The following IL23R variants were observed in gnomAD, a reference collection of about 807,000 sequenced individuals.
IL23R encodes interleukin 23 receptor.
IL23R carries 34 observed loss-of-function variants against 56.9 expected under a neutral mutation model. The ratio of observed to expected loss-of-function variants is 0.60; its 90% confidence interval spans 0.45 to 0.80. The LOEUF (loss-of-function observed/expected upper bound fraction) is 0.80, where lower values mean the gene tolerates loss of function less well. Among genes scored for constraint, IL23R ranks in the 30% least tolerant of loss-of-function variants. The pLI is 0.00. For synonymous variants in IL23R, 230 were observed against 249.2 expected (o/e 0.92, Z 0.73); for missense variants, 635 against 730.0 (o/e 0.87, Z 1.50).
At chr1:67,181,702 A>G (rs951136822) in intron 3 of IL23R, among the ~76,000 whole-genome samples, 10 of 152,060 alleles carry the variant, frequency 6.6e-5, no homozygotes, top group African/African-American at 1.7e-4. Flanking sequence ...GGAGGAGGAG[A>G]GGCGCTCTGA....
At chr1:67,154,496 C>T (rs2102536638) in intron 1 of IL23R, among the ~76,000 whole-genome samples, 1 of 152,166 alleles carries the variant, frequency 6.6e-6, no homozygotes, top group Non-Finnish European at 1.5e-5. Flanking sequence ...GTATTGATCC[C>T]TTTACCATTA....
downstream of IL23R, among the ~76,000 whole-genome samples, chr1:67,262,352 A>C (rs1351804129): frequency 3.9e-5 from 6 of 152,072 alleles, no homozygotes; most frequent in African/African-American, 7.2e-5. Flanking sequence ...GGCAGAAAAA[A>C]ATAAAGGAAA....
In IL23R at chr1:67,219,725, A is replaced by T. The variant is rs767190530; in HGVS notation, c.950A>T (p.Glu317Val). 11 of 1,613,296 alleles carry T rather than the reference A, an allele frequency of 6.8e-6. No individual in the cohort carries two copies. The highest frequency in any genetic ancestry group is 9.3e-6 in the Non-Finnish European group (11 of 1,179,254). ...WSSLFFHKTP[E>V]TVPQVTSKAF... is the part of the protein sequence containing the mutation. ...TCACTGTTTTTTCATAAAACACCTG[A>T]AACAGGTGAGTGTACTTATATATTT... Residue 317 changes from glutamate (E) to valine (V), a missense_variant, in exon 7 of 11, where the codon GAA becomes GTA. Coordinates refer to ENST00000347310, the MANE Select transcript of IL23R (RefSeq NM_144701.3).
exon 1 of IL23R, chr1:67,139,083 G>A (rs1433222890): frequency 6.6e-6 from 1 of 152,324 alleles, no homozygotes; most frequent in African/African-American, 2.4e-5. Context: ...AGCTGGACCT[G>A]GGCAGTATCA....
chr1:67,146,544 TAGAC>T (rs758198334), intron 1 of IL23R, among the ~76,000 whole-genome samples: 1 of 152,184 alleles, frequency 6.6e-6, no homozygotes, highest in Non-Finnish European at 1.5e-5. Flanking sequence ...ATAAAAGTGA[TAGAC>T]AGACAGACAG....
chr1:67,210,826 C>A (rs810991), intron 6 of IL23R, among the ~76,000 whole-genome samples: 151,566 of 152,214 alleles, frequency 1, 75,462 homozygotes, highest in East Asian at 1. Context: ...CAGTTTTCAG[C>A]GCGTTAAATA....
At chr1:67,233,529 A>C (rs1033291859) in intron 7 of IL23R, among the ~76,000 whole-genome samples, 4 of 152,184 alleles carry the variant, frequency 2.6e-5, no homozygotes, top group Admixed American at 6.5e-5. Flanking sequence ...GATTTGATTA[A>C]ACTAGCCTGG....
intron 1 of IL23R, among the ~76,000 whole-genome samples, chr1:67,155,976 G>T (rs1646766972): frequency 6.6e-6 from 1 of 152,156 alleles, no homozygotes; most frequent in Non-Finnish European, 1.5e-5. Context: ...TAGGGTTTTT[G>T]TGGGGGCATC....
chr1:67,241,810 C>T (rs1025105156), intron 9 of IL23R, among the ~76,000 whole-genome samples: 6 of 152,074 alleles, frequency 3.9e-5, no homozygotes, highest in African/African-American at 1.4e-4. Context: ...ACCCAGGGTC[C>T]TCATAAACCA....
intron 9 of IL23R, among the ~76,000 whole-genome samples, chr1:67,248,689 G>A (rs1377025640): frequency 6.6e-6 from 1 of 152,082 alleles, no homozygotes; most frequent in Non-Finnish European, 1.5e-5. Flanking sequence ...AGGGGAAGAG[G>A]CATTCTGGTT....
At chr1:67,237,201 C>T (rs1570905644) in intron 8 of IL23R, among the ~76,000 whole-genome samples, 1 of 152,108 alleles carries the variant, frequency 6.6e-6, no homozygotes, top group South Asian at 2.1e-4. Context: ...CGCCATCACG[C>T]CCAGCTAATT....
intron 3 of IL23R, among the ~76,000 whole-genome samples, chr1:67,172,890 A>G (rs1646960534): frequency 6.6e-6 from 1 of 152,184 alleles, no homozygotes; most frequent in Non-Finnish European, 1.5e-5. Context: ...AAGCCAATCA[A>G]TTCATGGAAT....
chr1:67,226,355 T>A (rs1449003685), intron 7 of IL23R, among the ~76,000 whole-genome samples: 1 of 152,186 alleles, frequency 6.6e-6, no homozygotes. Context: ...GGGGGTTTTA[T>A]TGAGTGGTGG....
intron 4 of IL23R, among the ~76,000 whole-genome samples, chr1:67,196,936 G>A (rs2102614801): frequency 6.6e-6 from 1 of 152,316 alleles, no homozygotes; most frequent in South Asian, 2.1e-4. Flanking sequence ...TAATTTAGTT[G>A]TCAGTTTTCT....
At chr1:67,210,244 A>G (rs1649362158) in intron 6 of IL23R, among the ~76,000 whole-genome samples, 1 of 152,234 alleles carries the variant, frequency 6.6e-6, no homozygotes, top group African/African-American at 2.4e-5. Context: ...TGCAAGGTTC[A>G]TTAATAAAGT....
intron 5 of IL23R, among the ~76,000 whole-genome samples, chr1:67,202,411 T>C (rs545439447): frequency 1.3e-5 from 2 of 152,274 alleles, no homozygotes; most frequent in East Asian, 3.9e-4. Context: ...TAGATTTTTG[T>C]ATTTTTAGTA....
intron 1 of IL23R, among the ~76,000 whole-genome samples, chr1:67,143,374 A>G (rs1336995068): frequency 2.6e-5 from 4 of 152,168 alleles, no homozygotes; most frequent in South Asian, 4.1e-4. Flanking sequence ...AAAAACAAGG[A>G]TTTTGAGTAT....
intron 1 of IL23R, among the ~76,000 whole-genome samples, chr1:67,144,483 AGTCACAT>A (rs1448891434): frequency 6.6e-6 from 1 of 152,252 alleles, no homozygotes; most frequent in Admixed American, 6.5e-5. Context: ...CTTGTATTAT[AGTCACAT>A]GTCTTCTTAA....
At chr1:67,215,803 G>GA (rs1180142037) in intron 6 of IL23R, among the ~76,000 whole-genome samples, 2 of 152,144 alleles carry the variant, frequency 1.3e-5, no homozygotes, top group African/African-American at 4.8e-5. Context: ...ACCTTGTCCT[G>GA]AAAATGTCTC....
Sources: gnomAD v4.1 joint callset for allele counts (sites outside exome capture counted in the v4.1 genomes callset) on GRCh38, gnomAD v4.1.1 for gene constraint, MANE v1.5 for transcripts, NCBI Gene and HGNC (gene_info 2026-07-23, HGNC 2026-07-21) for gene names.